The following KMT2B variants were observed in gnomAD, a reference collection of about 807,000 sequenced individuals.
The protein encoded by KMT2B is histone-lysine N-methyltransferase 2B.
In KMT2B, 22 loss-of-function variants were observed where a neutral mutation model predicts 255.3. That is an observed-to-expected ratio of 0.09 (90% CI 0.06 to 0.12). The LOEUF (loss-of-function observed/expected upper bound fraction) is 0.12, where lower values mean the gene tolerates loss of function less well. Among genes scored for constraint, KMT2B ranks in the 10% least tolerant of loss-of-function variants. KMT2B has a pLI of 1.00. For missense variants in KMT2B, 3,149 were observed against 3,737.0 expected (o/e 0.84, Z 4.10); for synonymous variants, 1,730 against 1,498.1 (o/e 1.15, Z -3.57).
chr19:35,731,438 T>C (rs1315594142), intron 26 of KMT2B, among the ~76,000 whole-genome samples: 2 of 151,508 alleles, frequency 1.3e-5, no homozygotes. Context: ...TGACAAGAAG[T>C]GGACAGAGGA....
In KMT2B at chr19:35,733,540, G is replaced by A; in HGVS notation, c.6959+32G>A. On this transcript the variant is annotated intron_variant, in intron 28 of 36. Transcript: ENST00000420124. The surrounding 1 kb of genome is among the most constrained non-coding windows in gnomAD (Gnocchi z 4.3). ...GCGGGTGCTGAGGCTGGCAGAGCAGGCAAGGGGGCAGATGGGCGGGAGATG... is the reference window on the plus strand; with the variant it reads ...GCGGGTGCTGAGGCTGGCAGAGCAGACAAGGGGGCAGATGGGCGGGAGATG... 1 of 1,554,634 alleles carries A rather than the reference G, an allele frequency of 6.4e-7. No homozygotes were observed. The highest frequency in any genetic ancestry group is 1.2e-5 in the South Asian group (1 of 84,304).
chr19:35,726,855 G>T (rs1969471036), intron 14 of KMT2B, among the ~76,000 whole-genome samples: 1 of 152,020 alleles, frequency 6.6e-6, no homozygotes, highest in Non-Finnish European at 1.5e-5. Flanking sequence ...ATGATGGCGG[G>T]CACCTGTAAT....
At position 35,727,321 on chromosome 19, in the gene KMT2B, C is replaced by T; in HGVS notation, c.4117+52C>T. 1.9e-6 allele frequency: 3 copies of T among 1,561,182 alleles called. No individual in the cohort carries two copies. Among genetic ancestry groups the T allele is most frequent in the South Asian group, 2.2e-5 (2 of 89,962 alleles). The stretch of plus-strand genomic sequence containing the variant: ...AGCCTCAACCCTGTGGGGACCCCTG[C>T]CCCCACCACAGGCCCCAAGAGGACT... On this transcript the variant is annotated intron_variant, in intron 15 of 36. Transcript: ENST00000420124. The surrounding 1 kb of genome is among the most constrained non-coding windows in gnomAD (Gnocchi z 4.2).
Position 35,723,094 on chromosome 19 carries a change from C to G in KMT2B, c.2822C>G (p.Ser941Cys). ...GGGGGAGAATCAGAGCCCACAGGTTCTGGAGGGACCCTGGCCCACACACCC... is the reference window on the plus strand; with the variant it reads ...GGGGGAGAATCAGAGCCCACAGGTTGTGGAGGGACCCTGGCCCACACACCC... ...GPGGESEPTG[S>C]GGTLAHTPRR... The change falls in exon 6 of 37, where the codon TCT becomes TGT. Residue 941 changes from serine (S) to cysteine (C), a missense_variant. Physicochemically the swap from Ser to Cys is moderately radical, Grantham distance 112 (BLOSUM62 -1). Coordinates refer to ENST00000420124, the MANE Select transcript of KMT2B (RefSeq NM_014727.3). This position sits in a 1 kb window ranked among gnomAD's most constrained non-coding sequence, Gnocchi z 7.5. 6.2e-7 allele frequency: 1 copy of G among 1,613,338 alleles called. No homozygotes were observed. Among genetic ancestry groups the G allele is most frequent in the Non-Finnish European group, 8.5e-7 (1 of 1,179,856 alleles).
In KMT2B at chr19:35,727,844, G is replaced by T. The variant is rs1969527009; in HGVS notation, c.4393-37G>T. Reference sequence around the variant, plus strand: ...GGCAGGAGGAGAGGGCTGGAATTGTGCAGAGGGGACTCAGTCTCTGACAAA... The same window carrying T: ...GGCAGGAGGAGAGGGCTGGAATTGTTCAGAGGGGACTCAGTCTCTGACAAA... On this transcript the variant is annotated intron_variant, in intron 17 of 36. Coordinates refer to ENST00000420124, the MANE Select transcript of KMT2B (RefSeq NM_014727.3). The surrounding 1 kb of genome is among the most constrained non-coding windows in gnomAD (Gnocchi z 4.2). 2 of 1,612,422 alleles carry T rather than the reference G, an allele frequency of 1.2e-6. No homozygotes were observed. The highest frequency in any genetic ancestry group is 1.7e-6 in the Non-Finnish European group (2 of 1,178,710).
chr19:35,725,851 T>C lies in KMT2B; in HGVS notation c.3885+33T>C. On this transcript the variant is annotated intron_variant, in intron 13 of 36. Coordinates refer to ENST00000420124, the MANE Select transcript of KMT2B (RefSeq NM_014727.3). The surrounding 1 kb of genome is among the most constrained non-coding windows in gnomAD (Gnocchi z 4.1). ...ATGAGGTTCACCCACTTGCTTTGTC[T>C]CTAATGAATATCACCACCACCCCCA... 2.0e-6 allele frequency: 3 copies of C among 1,522,524 alleles called. No homozygotes were observed. Among genetic ancestry groups the C allele is most frequent in the Non-Finnish European group, 2.7e-6 (3 of 1,120,322 alleles). The allele number at this position is 1,522,524 out of a possible 1,614,324, so 94.3% of individuals were successfully genotyped here. A position where few individuals can be genotyped will look rare whatever the true frequency, so the allele number is the denominator to read the frequency against.
rs1250130648 is a variant in KMT2B, at chr19:35,732,973, C to T, written c.6424C>T (p.Leu2142=). 6.9e-6 allele frequency: 11 copies of T among 1,603,640 alleles called. No homozygotes were observed. Among genetic ancestry groups the T allele is most frequent in the Middle Eastern group, 1.6e-4 (1 of 6,064 alleles). The part of the protein sequence containing the change: ...REESLPPAPP[L]ANGSQPSQGL... The stretch of plus-strand genomic sequence containing the variant: ...GGAGTCACTCCCCCCGGCGCCTCCC[C>T]TGGCTAATGGCAGCCAGCCCTCCCA... Residue 2142 remains leucine, a synonymous_variant, in exon 28 of 37, where the codon CTG becomes TTG. Coordinates refer to ENST00000420124, the MANE Select transcript of KMT2B (RefSeq NM_014727.3).
Position 35,729,605 on chromosome 19 carries a change from C to G in KMT2B, c.4917+309C>G, listed in dbSNP as rs569769390. On this transcript the variant is annotated intron_variant, in intron 22 of 36. Coordinates refer to ENST00000420124, the MANE Select transcript of KMT2B (RefSeq NM_014727.3). Reference sequence around the variant, plus strand: ...ACATCCCCGTGAGGTTAGAATTCCCCCACTCCTCACAGTGGTGCCTGGGCC... The same window carrying G: ...ACATCCCCGTGAGGTTAGAATTCCCGCACTCCTCACAGTGGTGCCTGGGCC... 3.9e-5 allele frequency among the ~76,000 whole-genome samples: 6 copies of G among 152,284 alleles called. No homozygotes were observed. The South Asian group carries it at 1.0e-3, about 26-fold the overall frequency.
At chr19:35,724,585 G>T in intron 8 of KMT2B, 52 bp from the exon 9 acceptor site, 2 of 1,433,036 alleles carry the variant, frequency 1.4e-6, no homozygotes, top group Non-Finnish European at 9.6e-7. Context: ...GGTTGTAGAA[G>T]AAGAGGGGCG....
Position 35,732,042 on chromosome 19 carries a change from C to G in KMT2B, c.5572C>G (p.Arg1858Gly). The change falls in exon 27 of 37, where the codon CGT becomes GGT. Residue 1858 changes from arginine (R) to glycine (G), a missense_variant. Coordinates refer to ENST00000420124, the MANE Select transcript of KMT2B (RefSeq NM_014727.3). ...AGGCAGCGCCCCTCCTCCAGCCCCC[C>G]GTTCTTTTTCGGGGGCTCGAATCAA... ...DSGSAPPPAP[R>G]SFSGARIKVP... The G allele has an allele frequency of 1.9e-6, 3 of 1,612,504 alleles. No homozygotes were observed. Among genetic ancestry groups the G allele is most frequent in the South Asian group, 2.2e-5 (2 of 90,812 alleles).
rs1211595636 is a variant in KMT2B at position 35,720,196 on chromosome 19, A to T, written c.849A>T (p.Gly283=). The part of the protein sequence containing the change: ...GPGPGTPRRG[G]QSSRGGRGGR... The stretch of plus-strand genomic sequence containing the variant: ...GACCTGGGACCCCCAGGCGTGGAGG[A>T]CAGTCAAGCCGTGGAGGCCGTGGAG... The change falls in exon 3 of 37, where the codon GGA becomes GGT. Residue 283 remains glycine, a synonymous_variant. Coordinates refer to ENST00000420124, the MANE Select transcript of KMT2B (RefSeq NM_014727.3). 6.2e-7 allele frequency: 1 copy of T among 1,608,168 alleles called. No individual in the cohort carries two copies. Among genetic ancestry groups the T allele is most frequent in the Non-Finnish European group, 8.5e-7 (1 of 1,177,668 alleles).
In KMT2B at chr19:35,731,993, G is replaced by A. The variant is rs1323012225; in HGVS notation, c.5523G>A (p.Leu1841=). Residue 1841 remains leucine (L), a synonymous_variant, in exon 27 of 37, where the codon CTG becomes CTA. Transcript: ENST00000420124. ...APERHSPIQN[L]DPPLRPDSGS... The stretch of plus-strand genomic sequence containing the variant: ...AGCGCCACTCGCCCATTCAGAACCT[G>A]GACCCTCCACTGCGGCCAGATTCAG... The A allele has an allele frequency of 6.2e-7, 1 of 1,613,768 alleles. No homozygotes were observed. Among genetic ancestry groups the A allele is most frequent in the East Asian group, 2.2e-5 (1 of 44,878 alleles).
intron 9 of KMT2B, 79 bp downstream of exon 9, chr19:35,724,810 CGTGG>C: frequency 7.6e-7 from 1 of 1,309,226 alleles, no homozygotes; most frequent in Non-Finnish European, 1.1e-6. Flanking sequence ...ACCTGAGTGT[CGTGG>C]TGTGTCCACA....
Position 35,727,414 on chromosome 19 carries a change from C to G in KMT2B, c.4118-24C>G. On this transcript the variant is annotated intron_variant, in intron 15 of 36. Coordinates refer to ENST00000420124, the MANE Select transcript of KMT2B (RefSeq NM_014727.3). This position sits in a 1 kb window ranked among gnomAD's most constrained non-coding sequence, Gnocchi z 4.2. ...CCTCACATCCTCTGAAACCACTTTT[C>G]CCTTTCCCACTTGGCTATCCTAGAT... The G allele has an allele frequency of 2.5e-6, 4 of 1,612,936 alleles. No homozygotes were observed. Among genetic ancestry groups the G allele is most frequent in the Non-Finnish European group, 3.4e-6 (4 of 1,179,524 alleles).
At position 35,733,315 on chromosome 19, in the gene KMT2B, C is replaced by A; in HGVS notation, c.6766C>A (p.Pro2256Thr). The change falls in exon 28 of 37, where the codon CCA becomes ACA. Residue 2256 changes from proline to threonine, a missense_variant. By Grantham distance (38) the Pro-to-Thr change is conservative. This residue lies in a region of KMT2B where 897 missense variants were observed against 825.3 expected (regional missense o/e 1.09). Transcript: ENST00000420124. This position sits in a 1 kb window ranked among gnomAD's most constrained non-coding sequence, Gnocchi z 4.3. ...AGTGGTCCGCCCTGCCCCGCCCCCG[C>A]CACCCCCTCCCCTGACGCTGGTGCT... Reference protein sequence around the residue: ...VGVVRPAPPPPPPPLTLVLSS... With the variant: ...VGVVRPAPPPTPPPLTLVLSS... 6.8e-7 allele frequency: 1 copy of A among 1,478,390 alleles called. No individual in the cohort carries two copies. The highest frequency in any genetic ancestry group is 9.2e-7 in the Non-Finnish European group (1 of 1,086,286). The allele number at this position is 1,478,390 out of a possible 1,614,324, so 91.6% of individuals were successfully genotyped here.
chr19:35,737,883 C>A lies in KMT2B; in HGVS notation c.7683C>A (p.Pro2561=). Residue 2561 remains proline (P), a synonymous_variant, in exon 35 of 37, where the codon CCC becomes CCA. Coordinates refer to ENST00000420124, the MANE Select transcript of KMT2B (RefSeq NM_014727.3). The surrounding 1 kb of genome is among the most constrained non-coding windows in gnomAD (Gnocchi z 5.3). ...GACGTGCCACCAGCCTGGAGCTGCC[C>A]ATGGCCATGCGTTTTCGTCACCTTA... is the stretch of plus-strand genomic sequence containing the variant. ...STRRATSLEL[P]MAMRFRHLKK... is the part of the protein sequence containing the mutation. 6.3e-7 allele frequency: 1 copy of A among 1,579,554 alleles called. No individual in the cohort carries two copies. The highest frequency in any genetic ancestry group is 2.3e-5 in the East Asian group (1 of 43,142).
At chr19:35,734,937 A>G (rs973946157) in intron 30 of KMT2B, among the ~76,000 whole-genome samples, 2 of 152,218 alleles carry the variant, frequency 1.3e-5, no homozygotes, top group African/African-American at 4.8e-5. Flanking sequence ...CAGAGATGAC[A>G]TGAGAATATG....
In KMT2B at chr19:35,727,410, T is replaced by G. The variant is rs747741941; in HGVS notation, c.4118-28T>G. 3.1e-6 allele frequency: 5 copies of G among 1,612,274 alleles called. No individual in the cohort carries two copies. Among genetic ancestry groups the G allele is most frequent in the Non-Finnish European group, 4.2e-6 (5 of 1,179,176 alleles). ...GAGCCCTCACATCCTCTGAAACCAC[T>G]TTTCCCTTTCCCACTTGGCTATCCT... On this transcript the variant is annotated intron_variant, in intron 15 of 36. Coordinates refer to ENST00000420124, the MANE Select transcript of KMT2B (RefSeq NM_014727.3). The surrounding 1 kb of genome is among the most constrained non-coding windows in gnomAD (Gnocchi z 4.2).
At chr19:35,724,137 A>T in intron 8 of KMT2B, 130 bp downstream of exon 8, 1 of 890,326 alleles carries the variant, frequency 1.1e-6, no homozygotes, top group Non-Finnish European at 1.7e-6. Flanking sequence ...GCGGAGGAGG[A>T]GACAGTTTTT....
Sources: gnomAD v4.1 joint callset for allele counts (sites outside exome capture counted in the v4.1 genomes callset) on GRCh38, gnomAD v4.1.1 for gene constraint, gnomAD v4.1.1 regional missense constraint, Gnocchi (gnomAD v3.1) non-coding constraint, MANE v1.5 for transcripts, NCBI Gene and HGNC (gene_info 2026-07-23, HGNC 2026-07-21) for gene names.